The following MEMO1 variants were observed in gnomAD, a reference collection of about 807,000 sequenced individuals.
The protein encoded by MEMO1 is protein MEMO1.
MEMO1 carries 6 observed loss-of-function variants against 45.2 expected under a neutral mutation model. That is an observed-to-expected ratio of 0.13 (90% CI 0.07 to 0.26). The LOEUF is 0.26. MEMO1 is among the 10% of genes least tolerant of loss of function. MEMO1 has a pLI of 1.00. For missense variants in MEMO1, 184 were observed against 370.5 expected (o/e 0.50, Z 4.13); for synonymous variants, 78 against 124.3 (o/e 0.63, Z 2.48).
chr2:31,935,693 A>G (rs1664835455), intron 3 of MEMO1, among the ~76,000 whole-genome samples: 1 of 152,204 alleles, frequency 6.6e-6, no homozygotes, highest in African/African-American at 2.4e-5. Flanking sequence ...ATGGTAATGA[A>G]GAAAATCAGA....
chr2:31,903,330 C>G (rs1245055406), intron 6 of MEMO1, among the ~76,000 whole-genome samples: 3 of 136,578 alleles, frequency 2.2e-5, no homozygotes, highest in African/African-American at 5.6e-5. Flanking sequence ...ATCCTTACCC[C>G]TAAGGTGCCA....
At chr2:31,912,642 AC>A (rs1419021245) in intron 6 of MEMO1, among the ~76,000 whole-genome samples, 3 of 152,166 alleles carry the variant, frequency 2.0e-5, no homozygotes, top group African/African-American at 4.8e-5. Context: ...ATGCAAAAAA[AC>A]AGAACAAAGT....
chr2:31,991,834 G>A (rs1671991215), intron 2 of MEMO1, among the ~76,000 whole-genome samples: 1 of 151,800 alleles, frequency 6.6e-6, no homozygotes, highest in Non-Finnish European at 1.5e-5. Context: ...GACACAGGAG[G>A]GAAATGTTTT....
chr2:32,002,857 G>A (rs1260787312), intron 2 of MEMO1, among the ~76,000 whole-genome samples: 1 of 152,136 alleles, frequency 6.6e-6, no homozygotes, highest in African/African-American at 2.4e-5. Flanking sequence ...AAAGGACAAG[G>A]AAACTGAAAA....
At chr2:31,940,434 C>T (rs904011850) in intron 3 of MEMO1, among the ~76,000 whole-genome samples, 1 of 152,196 alleles carries the variant, frequency 6.6e-6, no homozygotes, top group Non-Finnish European at 1.5e-5. Context: ...AAAATCTACT[C>T]CATACTTCCA....
chr2:31,984,482 T>A (rs955865633), intron 2 of MEMO1, among the ~76,000 whole-genome samples: 7 of 152,196 alleles, frequency 4.6e-5, no homozygotes, highest in Non-Finnish European at 8.8e-5. Context: ...CTAAACACGA[T>A]GTGGTAACCT....
At chr2:31,914,082 G>A (rs1429043902) in intron 6 of MEMO1, among the ~76,000 whole-genome samples, 3 of 152,160 alleles carry the variant, frequency 2.0e-5, no homozygotes, top group East Asian at 3.9e-4. Flanking sequence ...AGAGATAGAC[G>A]AGAACCAAGA....
chr2:31,891,349 G>C (rs1289110061), intron 7 of MEMO1, among the ~76,000 whole-genome samples: 3 of 152,052 alleles, frequency 2.0e-5, no homozygotes, highest in East Asian at 3.8e-4. Flanking sequence ...TACTAAAAGA[G>C]GCATCCACAA....
At chr2:32,006,421 C>T (rs1674076142) in intron 2 of MEMO1, among the ~76,000 whole-genome samples, 1 of 152,150 alleles carries the variant, frequency 6.6e-6, no homozygotes, top group East Asian at 1.9e-4. Context: ...ACTTTGACAA[C>T]CACTAACCTA....
intron 4 of MEMO1, among the ~76,000 whole-genome samples, chr2:31,921,644 C>T (rs1006712823): frequency 2.0e-5 from 3 of 152,048 alleles, no homozygotes; most frequent in African/African-American, 7.2e-5. Context: ...CTAAGATCCA[C>T]CATGATTTTA....
intron 5 of MEMO1, among the ~76,000 whole-genome samples, chr2:31,919,385 TCAAG>T (rs1367274365): frequency 6.6e-6 from 1 of 152,070 alleles, no homozygotes; most frequent in Non-Finnish European, 1.5e-5. Flanking sequence ...ACTCCTGAGC[TCAAG>T]CAGTCTGCCC....
At chr2:32,003,744 C>T (rs1015629634) in intron 2 of MEMO1, among the ~76,000 whole-genome samples, 2 of 152,164 alleles carry the variant, frequency 1.3e-5, no homozygotes, top group Admixed American at 6.5e-5. Context: ...AACTGATAAA[C>T]TGGACTTCTT....
rs549014924 is a variant in MEMO1 at position 31,970,160 on chromosome 2, T to C, written c.62-26777A>G. Among the ~76,000 whole-genome samples the C allele has an allele frequency of 3.3e-5, 5 of 151,948 alleles. No individual in the cohort carries two copies. The East Asian group carries it at 9.7e-4, about 30-fold the overall frequency. ...CTAATTTTTGTATTTTTAGTAGAGATGGGGTTTCACCATGTTGGCCAGGCT... is the reference window on the plus strand; with the variant it reads ...CTAATTTTTGTATTTTTAGTAGAGACGGGGTTTCACCATGTTGGCCAGGCT... On this transcript the variant is annotated intron_variant, in intron 2 of 9. Coordinates refer to ENST00000404530, the MANE Select transcript of MEMO1 (RefSeq NM_001301833.4).
chr2:31,897,190 CT>C (rs1677970737), intron 6 of MEMO1, among the ~76,000 whole-genome samples: 1 of 151,920 alleles, frequency 6.6e-6, no homozygotes, highest in South Asian at 2.1e-4. Flanking sequence ...GACTTCCTCT[CT>C]TCCTATTTGA....
chr2:31,868,933 G>T (rs576685661), intron 9 of MEMO1, among the ~76,000 whole-genome samples: 13 of 152,034 alleles, frequency 8.6e-5, no homozygotes, highest in Admixed American at 7.9e-4. Flanking sequence ...TTTAATTGTC[G>T]ATTGGTTCAG....
intron 8 of MEMO1, among the ~76,000 whole-genome samples, chr2:31,872,046 A>ACACACACACAC (rs1201756598): frequency 9.4e-5 from 2 of 21,390 alleles, no homozygotes; most frequent in African/African-American, 3.4e-4. Context: ...CACACACACA[A>ACACACACACAC]AGTTAAACCT....
At chr2:31,925,312 T>C (rs1458024066) in intron 4 of MEMO1, among the ~76,000 whole-genome samples, 1 of 151,524 alleles carries the variant, frequency 6.6e-6, no homozygotes, top group Admixed American at 6.6e-5. Context: ...CCATCTCTAC[T>C]AAAAATACAA....
intron 2 of MEMO1, among the ~76,000 whole-genome samples, chr2:31,961,210 T>C (rs1245038235): frequency 6.6e-6 from 1 of 151,058 alleles, no homozygotes; most frequent in Non-Finnish European, 1.5e-5. Flanking sequence ...ATACAAAAAT[T>C]AGCTGGGTGT....
At chr2:31,980,661 G>C (rs192644908) in intron 2 of MEMO1, among the ~76,000 whole-genome samples, 241 of 152,014 alleles carry the variant, frequency 1.6e-3, no homozygotes, top group Non-Finnish European at 2.2e-3. Context: ...ATTTTTCACT[G>C]TATTTCAGCC....
Sources: gnomAD v4.1 joint callset for allele counts (sites outside exome capture counted in the v4.1 genomes callset) on GRCh38, gnomAD v4.1.1 for gene constraint, MANE v1.5 for transcripts, NCBI Gene and HGNC (gene_info 2026-07-23, HGNC 2026-07-21) for gene names.